Variants in TBC1D1 observed in about 807,000 individuals in gnomAD.
TBC1D1 encodes TBC1 domain family member 1, also known as TBC1 (tre-2/USP6, BUB2, cdc16) domain family, member 1.
Under a neutral mutation model 125.6 loss-of-function variants are expected in TBC1D1, and 89 were observed. The observed-to-expected ratio is 0.71, with a 90% CI of 0.60 to 0.85. The LOEUF (loss-of-function observed/expected upper bound fraction) is 0.85. Among genes scored for constraint, TBC1D1 ranks in the 40% least tolerant of loss-of-function variants. The pLI is 0.00. For missense variants in TBC1D1, 1,377 were observed against 1,469.2 expected (o/e 0.94, Z 1.03); for synonymous variants, 565 against 564.1 (o/e 1.00, Z -0.02).
At chr4:38,135,876 G>A (rs949002329) in intron 19 of TBC1D1, among the ~76,000 whole-genome samples, 11 of 151,098 alleles carry the variant, frequency 7.3e-5, no homozygotes, top group East Asian at 1.9e-4. Context: ...ATATATATGT[G>A]TGTGTGTGTG....
At chr4:37,897,259 G>T (rs1374693798) in intron 1 of TBC1D1, among the ~76,000 whole-genome samples, 1 of 152,114 alleles carries the variant, frequency 6.6e-6, no homozygotes, top group Non-Finnish European at 1.5e-5. Flanking sequence ...GGCAAAAATT[G>T]CAGTTACTTT....
chr4:38,019,600 TG>T (rs1162530999), intron 4 of TBC1D1, among the ~76,000 whole-genome samples: 3 of 152,202 alleles, frequency 2.0e-5, no homozygotes, highest in Non-Finnish European at 4.4e-5. Flanking sequence ...TATGATTACC[TG>T]AACATTAAGC....
chr4:37,957,298 T>C (rs550028873), intron 2 of TBC1D1, among the ~76,000 whole-genome samples: 2 of 152,336 alleles, frequency 1.3e-5, no homozygotes, highest in Admixed American at 6.5e-5. Context: ...AACACTACTT[T>C]TTAGAGACAA....
chr4:38,017,717 A>C (rs893265156), intron 3 of TBC1D1, among the ~76,000 whole-genome samples: 2 of 152,162 alleles, frequency 1.3e-5, no homozygotes, highest in Non-Finnish European at 2.9e-5. Flanking sequence ...ACCAACACAC[A>C]CTGAAACCCA....
At chr4:38,019,702 C>G (rs180968143) in intron 4 of TBC1D1, among the ~76,000 whole-genome samples, 110 of 152,196 alleles carry the variant, frequency 7.2e-4, no homozygotes, top group African/African-American at 2.5e-3. Context: ...ATTAAGGTGC[C>G]TCTGATAGCT....
At chr4:38,109,217 TCA>T (rs1401674345) in intron 15 of TBC1D1, among the ~76,000 whole-genome samples, 4 of 152,210 alleles carry the variant, frequency 2.6e-5, no homozygotes. Context: ...AGTTGAACAA[TCA>T]CAGTTGAGGA....
At chr4:38,052,140 G>C in intron 11 of TBC1D1, 80 bp downstream of exon 12, 1 of 1,426,900 alleles carries the variant, frequency 7.0e-7, no homozygotes. Flanking sequence ...CTGAATGGGG[G>C]GAATGTCCAT....
intron 8 of TBC1D1, among the ~76,000 whole-genome samples, chr4:38,038,492 A>G (rs116091849): frequency 0.013 from 2,032 of 152,148 alleles, 46 homozygotes; most frequent in African/African-American, 0.046. Context: ...ATCCCTAAAC[A>G]CTTTAGCATG....
intron 19 of TBC1D1, among the ~76,000 whole-genome samples, chr4:38,135,047 A>G (rs1766254595): frequency 6.6e-6 from 1 of 152,178 alleles, no homozygotes; most frequent in African/African-American, 2.4e-5. Context: ...TAGTTTTTCC[A>G]TGATCCCCTA....
At chr4:38,012,811 T>G (rs1578264164) in intron 2 of TBC1D1, among the ~76,000 whole-genome samples, 1 of 151,800 alleles carries the variant, frequency 6.6e-6, no homozygotes, top group Admixed American at 6.6e-5. Flanking sequence ...TTTTGTTTTT[T>G]TTGAGACAGT....
At chr4:37,896,026 T>TGCA (rs1310761521) in intron 1 of TBC1D1, among the ~76,000 whole-genome samples, 1 of 152,178 alleles carries the variant, frequency 6.6e-6, no homozygotes, top group African/African-American at 2.4e-5. Context: ...TCTGTTCAGG[T>TGCA]GCATGCTCAC....
intron 3 of TBC1D1, among the ~76,000 whole-genome samples, 183 bp downstream of exon 3, chr4:38,015,156 T>C (rs1191926549): frequency 6.6e-6 from 1 of 152,166 alleles, no homozygotes; most frequent in Non-Finnish European, 1.5e-5. Flanking sequence ...GCCTTTACAG[T>C]CATCAGGGAG....
At chr4:38,113,504 A>G (rs967268869) in intron 15 of TBC1D1, among the ~76,000 whole-genome samples, 2 of 152,262 alleles carry the variant, frequency 1.3e-5, no homozygotes, top group African/African-American at 4.8e-5. Flanking sequence ...TAAATTCAGA[A>G]TAACTAAACC....
Position 38,137,866 on chromosome 4 carries a change from C to T in TBC1D1, c.*531C>T, listed in dbSNP as rs368725051. 1 of 152,798 alleles carries T rather than the reference C, an allele frequency of 6.5e-6. No homozygotes were observed. Among genetic ancestry groups the T allele is most frequent in the Admixed American group, 6.5e-5 (1 of 15,282 alleles). The allele number at this position is 152,798 out of a possible 1,614,324, so 9.5% of individuals were successfully genotyped here. ...AGATCAGTGATCTTGGGTCATTGAT[C>T]CCTGGCTCAGAGGATAGCGGTTTCC... On this transcript the variant is annotated 3_prime_UTR_variant, in exon 20 of 20. Coordinates refer to ENST00000261439, the MANE Select transcript of TBC1D1 (RefSeq NM_015173.4).
At chr4:37,893,844 A>G (rs12649926) in intron 1 of TBC1D1, among the ~76,000 whole-genome samples, 6,095 of 152,258 alleles carry the variant, frequency 0.04, 610 homozygotes, top group East Asian at 0.4. Flanking sequence ...GTGATGACGA[A>G]GGATTTAGGT....
intron 12 of TBC1D1, among the ~76,000 whole-genome samples, chr4:38,068,617 A>G (rs1475915488): frequency 6.6e-6 from 1 of 152,160 alleles, no homozygotes; most frequent in African/African-American, 2.4e-5. Flanking sequence ...GCTATCCTGT[A>G]CAGTAACCAA....
chr4:37,984,872 T>C (rs1229266171), intron 2 of TBC1D1, among the ~76,000 whole-genome samples: 1 of 152,038 alleles, frequency 6.6e-6, no homozygotes, highest in Non-Finnish European at 1.5e-5. Flanking sequence ...GTTAGTGCTT[T>C]TGAATTTTAT....
At chr4:37,939,726 C>A (rs561136400) in intron 2 of TBC1D1, among the ~76,000 whole-genome samples, 2 of 152,332 alleles carry the variant, frequency 1.3e-5, no homozygotes, top group African/African-American at 4.8e-5. Flanking sequence ...GATCCAGTTT[C>A]AGCTTTCTAC....
chr4:38,111,939 T>C (rs1313331944), intron 15 of TBC1D1: 10 of 985,366 alleles, frequency 1.0e-5, no homozygotes, highest in African/African-American at 1.7e-5. Flanking sequence ...CCCAGAGGCC[T>C]GTCTTGCTGT....
Sources: gnomAD v4.1 joint callset for allele counts (sites outside exome capture counted in the v4.1 genomes callset) on GRCh38, gnomAD v4.1.1 for gene constraint, MANE v1.5 for transcripts, NCBI Gene and HGNC (gene_info 2026-07-23, HGNC 2026-07-21) for gene names.